The following FGF12 variants were observed in gnomAD, a reference collection of about 807,000 sequenced individuals.
FGF12 encodes the protein fibroblast growth factor 12.
In FGF12, 14 loss-of-function variants were observed where a neutral mutation model predicts 23.6. The observed-to-expected ratio is 0.59, with a 90% CI of 0.39 to 0.93. FGF12 has a LOEUF of 0.93. FGF12 is among the 40% of genes least tolerant of loss of function. FGF12 has a pLI of 0.00. For synonymous variants in FGF12, 62 were observed against 77.3 expected (o/e 0.80, Z 1.04); for missense variants, 175 against 217.8 (o/e 0.80, Z 1.24).
chr3:192,647,284 T>TTAATGAGGTTTTGGGTTC (rs1219643556), intron 2 of FGF12, among the ~76,000 whole-genome samples: 18 of 152,030 alleles, frequency 1.2e-4, no homozygotes, highest in Admixed American at 6.6e-4. Context: ...CATTGGGGTT[T>TTAATGAGGTTTTGGGTTC]TAATGAGGTT....
intron 3 of FGF12, among the ~76,000 whole-genome samples, chr3:192,353,324 C>T (rs1577380766): frequency 6.7e-6 from 1 of 149,510 alleles, no homozygotes; most frequent in South Asian, 2.1e-4. Flanking sequence ...TCAAATGACT[C>T]GTTTTGCTTT....
chr3:192,373,895 T>A (rs1326844725), intron 2 of FGF12, among the ~76,000 whole-genome samples: 1 of 152,334 alleles, frequency 6.6e-6, no homozygotes, highest in Admixed American at 6.5e-5. Context: ...CCAAGAAGCA[T>A]ATTTCAGGAT....
In FGF12 at chr3:192,141,715, T is replaced by C. The variant is rs370744050; in HGVS notation, c.*2294A>G. On this transcript the variant is annotated 3_prime_UTR_variant, in exon 6 of 6. Transcript: ENST00000445105. Reference sequence around the variant, plus strand: ...TTTTTTCATAACAAACTTAATTAAATATATTTTGTCATGAAATCATAATTG... The same window carrying C: ...TTTTTTCATAACAAACTTAATTAAACATATTTTGTCATGAAATCATAATTG... 1 of 151,912 alleles carries C rather than the reference T, an allele frequency of 6.6e-6. No homozygotes were observed. The highest frequency in any genetic ancestry group is 2.4e-5 in the African/African-American group (1 of 41,400). The allele number at this position is 151,912 out of a possible 1,614,324, so 9.4% of individuals were successfully genotyped here. A position where few individuals can be genotyped will look rare whatever the true frequency, so the allele number is the denominator to read the frequency against.
At chr3:192,602,768 A>G (rs962913391) in intron 2 of FGF12, among the ~76,000 whole-genome samples, 4 of 151,962 alleles carry the variant, frequency 2.6e-5, no homozygotes, top group Non-Finnish European at 5.9e-5. Flanking sequence ...ATCCCTGATT[A>G]AGATAAATGC....
intron 4 of FGF12, among the ~76,000 whole-genome samples, chr3:192,230,078 C>A (rs1718945445): frequency 6.6e-6 from 1 of 152,104 alleles, no homozygotes; most frequent in South Asian, 2.1e-4. Flanking sequence ...AGGAAGTGAA[C>A]TGATCCAAAG....
chr3:192,668,829 A>T (rs149713204), intron 2 of FGF12, among the ~76,000 whole-genome samples: 199 of 152,350 alleles, frequency 1.3e-3, no homozygotes, highest in African/African-American at 4.4e-3. Context: ...AACAAACAGG[A>T]TAATCCATAT....
intron 5 of FGF12, among the ~76,000 whole-genome samples, chr3:192,168,249 G>A (rs890761361): frequency 6.4e-4 from 98 of 152,228 alleles, no homozygotes; most frequent in Non-Finnish European, 4.4e-5. Flanking sequence ...AAATAAAAAT[G>A]ATGCAATAAT....
In FGF12 at chr3:192,383,156, C is replaced by T. The variant is rs113712538; in HGVS notation, c.14-22618G>A. Among the ~76,000 whole-genome samples the T allele has an allele frequency of 9.2e-3, 1,405 of 152,260 alleles. 10 individuals are homozygous for T. Among genetic ancestry groups the T allele is most frequent in the African/African-American group, 0.033 (1,357 of 41,552 alleles). ...AGTAGATCCTTCACTGATCTATTTC[C>T]CCCAAACTAACATATACACCCCAGC... is the stretch of plus-strand genomic sequence containing the variant. On this transcript the variant is annotated intron_variant, in intron 2 of 5. Transcript: ENST00000445105.
At position 192,360,719 on chromosome 3, in the gene FGF12, G is replaced by A. The variant is rs771814340; in HGVS notation, c.14-181C>T. ...GCTTTTTTTTTTCCATTTAGAGGTA[G>A]AGCTTTAACACTTTTAGCAGTAAAC... On this transcript the variant is annotated intron_variant, in intron 2 of 5. Transcript: ENST00000445105. This position sits in a 1 kb window ranked among gnomAD's most constrained non-coding sequence, Gnocchi z 4.3. The A allele has an allele frequency of 8.4e-6, 5 of 596,334 alleles. No homozygotes were observed. Among genetic ancestry groups the A allele is most frequent in the African/African-American group, 5.6e-5 (3 of 53,596 alleles). 36.9% of individuals were successfully genotyped at this position (596,334 alleles called of 1,614,324 possible). A position where few individuals can be genotyped will look rare whatever the true frequency, so the allele number is the denominator to read the frequency against.
chr3:192,521,487 A>G (rs1047286150), intron 2 of FGF12: 14 of 152,360 alleles, frequency 9.2e-5, no homozygotes, highest in Middle Eastern at 6.8e-3. Flanking sequence ...TATGAGGTCA[A>G]TCAGTTCAGG....
intron 2 of FGF12, among the ~76,000 whole-genome samples, chr3:192,614,812 T>C (rs145899894): frequency 6.6e-6 from 1 of 152,112 alleles, no homozygotes; most frequent in Admixed American, 6.6e-5. Flanking sequence ...CTTTCCTGGT[T>C]AAGAAAAAAA....
intron 2 of FGF12, among the ~76,000 whole-genome samples, chr3:192,652,277 C>G (rs990829456): frequency 1.3e-5 from 2 of 152,102 alleles, no homozygotes; most frequent in African/African-American, 4.8e-5. Flanking sequence ...TTAGCTAGGC[C>G]TTGAAGAGGG....
chr3:192,396,091 T>C lies in FGF12; in HGVS notation c.14-35553A>G, dbSNP rs60912907. Among the ~76,000 whole-genome samples, 679 of 152,310 alleles carry C rather than the reference T, an allele frequency of 4.5e-3. 4 individuals carry two copies. Among genetic ancestry groups the C allele is most frequent in the African/African-American group, 0.015 (637 of 41,560 alleles). ...TAACCACGTATTGAGCCCACACGTG[T>C]ATTTTTAAAAGACAGATTGTGGCTA... On this transcript the variant is annotated intron_variant, in intron 2 of 5. Transcript: ENST00000445105.
At chr3:192,589,953 C>T (rs773505010) in intron 2 of FGF12, among the ~76,000 whole-genome samples, 2 of 151,858 alleles carry the variant, frequency 1.3e-5, no homozygotes, top group Non-Finnish European at 2.9e-5. Context: ...AAACTCTTAT[C>T]TTCCTTCTCT....
intron 4 of FGF12, among the ~76,000 whole-genome samples, chr3:192,274,720 T>C (rs1713672372): frequency 6.6e-6 from 1 of 152,212 alleles, no homozygotes; most frequent in Non-Finnish European, 1.5e-5. Context: ...TTGTCCAAAT[T>C]AGCATGACTG....
chr3:192,230,660 C>A (rs3925222), intron 4 of FGF12, among the ~76,000 whole-genome samples: 70,347 of 151,990 alleles, frequency 0.46, 17,362 homozygotes, highest in East Asian at 0.94. Context: ...ACCCACACTT[C>A]ATTTTGATGA....
At chr3:192,494,848 A>G (rs1347466480) in intron 2 of FGF12, among the ~76,000 whole-genome samples, 1 of 150,892 alleles carries the variant, frequency 6.6e-6, no homozygotes, top group Non-Finnish European at 1.5e-5. Context: ...ATGCATATAT[A>G]TATATATATA....
chr3:192,170,748 C>CCT, intron 4 of FGF12, 92 bp from the exon 5 acceptor site: 3 of 1,085,430 alleles, frequency 2.8e-6, no homozygotes, highest in Non-Finnish European at 4.0e-6. Flanking sequence ...AAATCCATGT[C>CCT]CTCTGTTAAG....
intron 2 of FGF12, among the ~76,000 whole-genome samples, chr3:192,683,484 A>G (rs74877899): frequency 0.031 from 4,707 of 152,266 alleles, 255 homozygotes; most frequent in African/African-American, 0.11. Context: ...GTGTTTTCAA[A>G]TCATGGTTAT....
Sources: gnomAD v4.1 joint callset for allele counts (sites outside exome capture counted in the v4.1 genomes callset) on GRCh38, gnomAD v4.1.1 for gene constraint, Gnocchi (gnomAD v3.1) non-coding constraint, MANE v1.5 for transcripts, NCBI Gene and HGNC (gene_info 2026-07-23, HGNC 2026-07-21) for gene names.